The following CCDC91 variants were observed in gnomAD, a reference collection of about 807,000 sequenced individuals.
CCDC91 encodes the protein coiled-coil domain-containing protein 91.
A neutral mutation model predicts 63.2 loss-of-function variants in CCDC91; 48 were observed. The observed-to-expected ratio is 0.76, with a 90% CI of 0.60 to 0.97. CCDC91 has a LOEUF of 0.97. Ranked by LOEUF, CCDC91 falls within the 50% of genes least tolerant of loss-of-function variation. CCDC91 has a pLI of 0.00. For synonymous variants in CCDC91, 167 were observed against 165.8 expected (o/e 1.01, Z -0.06); for missense variants, 500 against 494.6 (o/e 1.01, Z -0.10).
intron 1 of CCDC91, among the ~76,000 whole-genome samples, chr12:28,233,816 C>G (rs1253410798): frequency 6.6e-6 from 1 of 151,994 alleles, no homozygotes; most frequent in African/African-American, 2.4e-5. Context: ...ACATGAGCCT[C>G]TGTTACTTTA....
At chr12:28,204,122 T>C (rs1338205609) in intron 1 of CCDC91, among the ~76,000 whole-genome samples, 13 of 152,202 alleles carry the variant, frequency 8.5e-5, no homozygotes, top group Non-Finnish European at 1.5e-4. Context: ...CAAGCTATGG[T>C]ACCTGGCAGT....
intron 12 of CCDC91, among the ~76,000 whole-genome samples, chr12:28,536,373 C>A (rs1183881048): frequency 1.3e-5 from 2 of 152,162 alleles, no homozygotes; most frequent in Admixed American, 6.5e-5. Context: ...TTGGCCTATT[C>A]TTGCTTTCAT....
chr12:28,274,780 T>A (rs1948076085), intron 3 of CCDC91, among the ~76,000 whole-genome samples: 2 of 152,172 alleles, frequency 1.3e-5, no homozygotes, highest in Admixed American at 1.3e-4. Flanking sequence ...AATCATGTCA[T>A]CTGCAAACAG....
At chr12:28,333,087 G>A (rs1255411924) in intron 6 of CCDC91, among the ~76,000 whole-genome samples, 1 of 151,892 alleles carries the variant, frequency 6.6e-6, no homozygotes, top group Non-Finnish European at 1.5e-5. Context: ...GTGTATGTTG[G>A]GCAACTGAAA....
intron 11 of CCDC91, among the ~76,000 whole-genome samples, chr12:28,459,693 A>C (rs1950214603): frequency 6.6e-6 from 1 of 152,156 alleles, no homozygotes; most frequent in Non-Finnish European, 1.5e-5. Context: ...TTTACTTTGA[A>C]CGACTAGTAT....
chr12:28,275,059 T>C (rs531792428), intron 3 of CCDC91, among the ~76,000 whole-genome samples: 1 of 151,648 alleles, frequency 6.6e-6, no homozygotes, highest in Non-Finnish European at 1.5e-5. Flanking sequence ...AATTAAAAGA[T>C]CTAGAGAAGC....
chr12:28,270,366 C>T (rs1370803756), intron 3 of CCDC91, among the ~76,000 whole-genome samples: 1 of 152,056 alleles, frequency 6.6e-6, no homozygotes, highest in Non-Finnish European at 1.5e-5. Context: ...CATTTTGTAT[C>T]TGTCAAGTCT....
rs79612927 is a variant in CCDC91, at chr12:28,313,314, T to C, written c.576+5565T>C. 7.7e-3 allele frequency among the ~76,000 whole-genome samples: 1,175 copies of C among 152,160 alleles called. 43 individuals are homozygous for C. Among genetic ancestry groups the C allele is most frequent in the East Asian group, 0.073 (378 of 5,150 alleles). The stretch of plus-strand genomic sequence containing the variant: ...TCTCCTTAAGAAATGTTAGTATGTG[T>C]ATGTATTTATAAAAATAGTATGTGT... On this transcript the variant is annotated intron_variant, in intron 6 of 12. Coordinates refer to ENST00000536442, the MANE Select transcript of CCDC91 (RefSeq NM_018318.5).
intron 11 of CCDC91, among the ~76,000 whole-genome samples, chr12:28,482,185 G>A (rs1227692130): frequency 6.6e-6 from 1 of 151,852 alleles, no homozygotes; most frequent in Admixed American, 6.6e-5. Flanking sequence ...TAGTATGTAT[G>A]TAATATTTTT....
intron 8 of CCDC91, chr12:28,412,744 G>A (rs1368067451): frequency 2.2e-6 from 1 of 453,552 alleles, no homozygotes; most frequent in Non-Finnish European, 4.4e-6. Flanking sequence ...TTCCATTTCT[G>A]TCCTTTCAGA....
At chr12:28,284,131 T>C (rs1948770581) in intron 3 of CCDC91, among the ~76,000 whole-genome samples, 1 of 152,228 alleles carries the variant, frequency 6.6e-6, no homozygotes, top group Non-Finnish European at 1.5e-5. Context: ...TTTTTTTTTA[T>C]ATTGAGTAGG....
intron 8 of CCDC91, among the ~76,000 whole-genome samples, chr12:28,392,234 G>A (rs2139317911): frequency 6.6e-6 from 1 of 152,266 alleles, no homozygotes; most frequent in South Asian, 2.1e-4. Context: ...CAGGCTGCCA[G>A]AGATATGAAA....
intron 10 of CCDC91, 41 bp downstream of exon 10, chr12:28,450,459 G>T (rs1275150680): frequency 2.2e-6 from 3 of 1,380,710 alleles, no homozygotes; most frequent in South Asian, 2.4e-5. Context: ...TAAGTAAGTG[G>T]AATTAAAAAA....
At chr12:28,304,375 T>TAAAAAAAAAAAAAAAAAAAAA (rs777296414) in intron 3 of CCDC91, among the ~76,000 whole-genome samples, 3 of 73,584 alleles carry the variant, frequency 4.1e-5, no homozygotes, top group Admixed American at 1.6e-4. Context: ...AGACTCCGTC[T>TAAAAAAAAAAAAAAAAAAAAA]AAAAAAAAAA....
rs185887521 is a variant in CCDC91, at chr12:28,376,536, G to T, written c.654+14021G>T. On this transcript the variant is annotated intron_variant, in intron 7 of 12. Transcript: ENST00000536442. ...GGGATAAGTGATCACAGTAAGAAAAGAATTCTTTATAGTGCAGGATTGGTA... is the reference window on the plus strand; with the variant it reads ...GGGATAAGTGATCACAGTAAGAAAATAATTCTTTATAGTGCAGGATTGGTA... 4.6e-5 allele frequency among the ~76,000 whole-genome samples: 7 copies of T among 151,728 alleles called. No individual in the cohort carries two copies. The East Asian group carries it at 7.7e-4, about 17-fold the overall frequency.
At chr12:28,525,925 T>A (rs571004248) in intron 12 of CCDC91, among the ~76,000 whole-genome samples, 1 of 152,204 alleles carries the variant, frequency 6.6e-6, no homozygotes, top group South Asian at 2.1e-4. Context: ...CTGCTCACTT[T>A]CGGTGTCCAT....
chr12:28,547,270 A>G (rs1943055267), intron 12 of CCDC91, among the ~76,000 whole-genome samples: 1 of 152,122 alleles, frequency 6.6e-6, no homozygotes, highest in South Asian at 2.1e-4. Flanking sequence ...AAATACTTAG[A>G]TTTCAATCTG....
In CCDC91 at chr12:28,533,179, AG is replaced by A. The variant is rs1051990018; in HGVS notation, c.1216-15883del. 5.9e-5 allele frequency among the ~76,000 whole-genome samples: 9 copies of A among 152,262 alleles called. No homozygotes were observed. The East Asian group carries it at 1.5e-3, about 26-fold the overall frequency. ...TTTATTATGCTTAATTTATAAGCAA[AG>A]CACATGTCTCCAAGAAGCTTTAATC... On this transcript the variant is annotated intron_variant, in intron 12 of 12. Coordinates refer to ENST00000536442, the MANE Select transcript of CCDC91 (RefSeq NM_018318.5).
intron 12 of CCDC91, among the ~76,000 whole-genome samples, chr12:28,495,752 A>G (rs1026097968): frequency 4.6e-5 from 7 of 151,538 alleles, no homozygotes; most frequent in Admixed American, 2.0e-4. Flanking sequence ...TTTGTTTTTG[A>G]ATTCCTCATG....
Sources: gnomAD v4.1 joint callset for allele counts (sites outside exome capture counted in the v4.1 genomes callset) on GRCh38, gnomAD v4.1.1 for gene constraint, MANE v1.5 for transcripts, NCBI Gene and HGNC (gene_info 2026-07-23, HGNC 2026-07-21) for gene names.